The following VPS35L variants were observed in gnomAD, a reference collection of about 807,000 sequenced individuals.
VPS35L encodes the protein VPS35 endosomal protein-sorting factor-like.
A neutral mutation model predicts 133.0 loss-of-function variants in VPS35L; 83 were observed. That is an observed-to-expected ratio of 0.62 (90% CI 0.52 to 0.75). The LOEUF is 0.75. Among genes scored for constraint, VPS35L ranks in the 30% least tolerant of loss-of-function variants. The probability of loss-of-function intolerance (pLI) is 0.00; values close to 1 mark genes in which losing one functional copy is unlikely to be tolerated. For missense variants in VPS35L, 1,083 were observed against 1,206.8 expected (o/e 0.90, Z 1.52); for synonymous variants, 423 against 449.9 (o/e 0.94, Z 0.76).
rs76533020 is a variant in VPS35L, at chr16:19,599,700, C to T, written c.725-1964C>T. On this transcript the variant is annotated intron_variant, in intron 8 of 30. Transcript: ENST00000417362. ...TCTTTTCCAGTAGCTCTAAGGTGGG[C>T]ACCAGGAATCTGCATTTTCAACAAG... is the stretch of plus-strand genomic sequence containing the variant. 6.8e-3 allele frequency among the ~76,000 whole-genome samples: 1,034 copies of T among 152,178 alleles called. 13 individuals are homozygous for T. The highest frequency in any genetic ancestry group is 0.031 in the Admixed American group (466 of 15,268).
intron 25 of VPS35L, among the ~76,000 whole-genome samples, chr16:19,651,390 A>G (rs1160701060): frequency 1.3e-5 from 2 of 150,804 alleles, no homozygotes; most frequent in South Asian, 2.1e-4. Context: ...TTTTGTAGAG[A>G]TGGGGCATAT....
At chr16:19,684,690 G>A (rs756900597) in intron 28 of VPS35L, among the ~76,000 whole-genome samples, 3 of 152,170 alleles carry the variant, frequency 2.0e-5, no homozygotes, top group African/African-American at 4.8e-5. Context: ...CAGGGCTTCC[G>A]GTAGTTAGTG....
At chr16:19,666,908 CT>C (rs375028571) in intron 26 of VPS35L, among the ~76,000 whole-genome samples, 24 of 82,842 alleles carry the variant, frequency 2.9e-4, no homozygotes, top group South Asian at 3.8e-4. Flanking sequence ...TTCTTTCTTT[CT>C]TTCTTTCTTT....
intron 20 of VPS35L, 125 bp downstream of exon 20, chr16:19,637,781 G>A (rs1973667809): frequency 1.7e-6 from 1 of 603,172 alleles, no homozygotes; most frequent in African/African-American, 1.9e-5. Flanking sequence ...TTATAAAGTA[G>A]TTAAGTCTGA....
chr16:19,565,093 G>A (rs541273763), intron 2 of VPS35L, 143 bp downstream of exon 2: 36 of 570,852 alleles, frequency 6.3e-5, no homozygotes, highest in South Asian at 4.4e-4. Context: ...TTGCTCTGTC[G>A]CCCAGGCTGG....
chr16:19,562,456 T>C (rs555430313), intron 1 of VPS35L, among the ~76,000 whole-genome samples: 2 of 152,188 alleles, frequency 1.3e-5, no homozygotes, highest in East Asian at 3.9e-4. Context: ...TCACTTTCCA[T>C]ACTAGCTGAG....
chr16:19,567,343 C>A (rs1430413252), intron 2 of VPS35L, among the ~76,000 whole-genome samples: 1 of 152,114 alleles, frequency 6.6e-6, no homozygotes, highest in Non-Finnish European at 1.5e-5. Context: ...TGTTATGCGC[C>A]CTACCCTGAA....
intron 26 of VPS35L, among the ~76,000 whole-genome samples, chr16:19,662,064 A>G (rs1974502719): frequency 6.6e-6 from 1 of 152,182 alleles, no homozygotes; most frequent in Admixed American, 6.5e-5. Context: ...ATCAGCAGGC[A>G]TGATGGCGCA....
intron 6 of VPS35L, among the ~76,000 whole-genome samples, chr16:19,580,468 T>G (rs922064656): frequency 6.6e-6 from 1 of 152,092 alleles, no homozygotes; most frequent in Non-Finnish European, 1.5e-5. Flanking sequence ...AATATACATA[T>G]AAACCTTTGG....
intron 14 of VPS35L, among the ~76,000 whole-genome samples, chr16:19,620,241 C>A (rs547963570): frequency 1.3e-5 from 2 of 152,202 alleles, no homozygotes; most frequent in Admixed American, 1.3e-4. Flanking sequence ...CTGGAGATCA[C>A]CTTAAAAAAT....
At chr16:19,636,616 A>G (rs953898934) in intron 19 of VPS35L, among the ~76,000 whole-genome samples, 1 of 152,222 alleles carries the variant, frequency 6.6e-6, no homozygotes, top group Non-Finnish European at 1.5e-5. Flanking sequence ...TAAGCTGCCT[A>G]ATTATGAAAT....
At chr16:19,572,980 A>T in intron 3 of VPS35L, 139 bp from the exon 4 acceptor site, 2 of 1,031,240 alleles carry the variant, frequency 1.9e-6, no homozygotes, top group Non-Finnish European at 2.6e-6. Context: ...TGGCGCTGTA[A>T]TTTTTTTTAT....
intron 9 of VPS35L, among the ~76,000 whole-genome samples, chr16:19,606,093 C>T (rs1394771799): frequency 1.3e-5 from 2 of 152,198 alleles, no homozygotes; most frequent in African/African-American, 4.8e-5. Context: ...TTGGTGTATG[C>T]AGATTGTCGT....
chr16:19,601,950 G>A (rs572100842), intron 9 of VPS35L, among the ~76,000 whole-genome samples: 1 of 152,130 alleles, frequency 6.6e-6, no homozygotes, highest in Middle Eastern at 3.4e-3. Flanking sequence ...ATCTGCAAAG[G>A]CCTCACAGTT....
chr16:19,678,809 A>G (rs1206019079), intron 27 of VPS35L, among the ~76,000 whole-genome samples: 1 of 152,068 alleles, frequency 6.6e-6, no homozygotes, highest in African/African-American at 2.4e-5. Context: ...AAAAGTTACA[A>G]CCACTGAAGC....
chr16:19,700,152 A>G (rs1976068455), intron 30 of VPS35L, among the ~76,000 whole-genome samples: 2 of 152,026 alleles, frequency 1.3e-5, no homozygotes, highest in Non-Finnish European at 1.5e-5. Context: ...AATAGGAACC[A>G]TACATACAAA....
intron 29 of VPS35L, among the ~76,000 whole-genome samples, chr16:19,691,991 C>T (rs965073782): frequency 1.3e-5 from 2 of 152,086 alleles, no homozygotes; most frequent in African/African-American, 4.8e-5. Context: ...TCTCCTGCCT[C>T]AGCCTCCCAA....
chr16:19,600,258 GAA>G (rs10596954), intron 8 of VPS35L, among the ~76,000 whole-genome samples: 3,570 of 145,696 alleles, frequency 0.025, 112 homozygotes, highest in African/African-American at 0.073. Context: ...AAAGGGTTAT[GAA>G]AAAAAAAAAA....
chr16:19,662,303 G>A (rs1008516408), intron 26 of VPS35L, among the ~76,000 whole-genome samples: 3 of 151,856 alleles, frequency 2.0e-5, no homozygotes, highest in Admixed American at 6.6e-5. Context: ...TCAGGGGTTC[G>A]AGACCTGCCT....
Sources: gnomAD v4.1 joint callset for allele counts (sites outside exome capture counted in the v4.1 genomes callset) on GRCh38, gnomAD v4.1.1 for gene constraint, MANE v1.5 for transcripts, NCBI Gene and HGNC (gene_info 2026-07-23, HGNC 2026-07-21) for gene names.